The following NPC1 variants were observed in gnomAD, a reference collection of about 807,000 sequenced individuals.
NPC1 encodes NPC intracellular cholesterol transporter 1.
NPC1 carries 85 observed loss-of-function variants against 140.4 expected under a neutral mutation model. The observed-to-expected ratio is 0.61, with a 90% CI of 0.51 to 0.72. The LOEUF (loss-of-function observed/expected upper bound fraction) is 0.72, where lower values mean the gene tolerates loss of function less well. Ranked by LOEUF, NPC1 falls within the 30% of genes least tolerant of loss-of-function variation. The pLI is 0.00. For missense variants in NPC1, 1,504 were observed against 1,623.8 expected (o/e 0.93, Z 1.27); for synonymous variants, 656 against 624.8 (o/e 1.05, Z -0.74).
At chr18:23,586,106 C>A (rs900657717) in intron 1 of NPC1, among the ~76,000 whole-genome samples, 181 bp downstream of exon 1, 3 of 152,238 alleles carry the variant, frequency 2.0e-5, no homozygotes, top group Non-Finnish European at 4.4e-5. Flanking sequence ...CTCTTCCAGA[C>A]CACAGGAAAG....
At chr18:23,560,164 T>C in intron 6 of NPC1, 67 bp downstream of exon 6, 1 of 1,603,340 alleles carries the variant, frequency 6.2e-7, no homozygotes, top group South Asian at 1.1e-5. Context: ...CTCTGACAAA[T>C]GAAAGCTCAA....
At chr18:23,527,650 G>T, downstream of NPC1, 20 of 211,550 alleles carry the variant, frequency 9.5e-5, no homozygotes, top group South Asian at 1.4e-4. Context: ...ACATCTAGCT[G>T]TCAGGTCTTT....
intron 23 of NPC1, 129 bp downstream of exon 23, chr18:23,534,317 C>T: frequency 1.4e-6 from 1 of 726,100 alleles, no homozygotes; most frequent in Non-Finnish European, 2.5e-6. Flanking sequence ...GCAGCTAATT[C>T]ATGAATTGCC....
chr18:23,553,925 C>T (rs1323312547), intron 9 of NPC1, among the ~76,000 whole-genome samples: 1 of 152,184 alleles, frequency 6.6e-6, no homozygotes, highest in Non-Finnish European at 1.5e-5. Context: ...TCCCAAATAG[C>T]TGGGGCACTA....
At chr18:23,530,893 T>C (rs761285681), downstream of NPC1, among the ~76,000 whole-genome samples, 3 of 152,218 alleles carry the variant, frequency 2.0e-5, no homozygotes, top group Non-Finnish European at 4.4e-5. Flanking sequence ...GATCTTGGAA[T>C]ATCTCTTAAA....
intron 6 of NPC1, among the ~76,000 whole-genome samples, chr18:23,558,995 A>G (rs1054523663): frequency 6.6e-6 from 1 of 151,960 alleles, no homozygotes; most frequent in Non-Finnish European, 1.5e-5. Context: ...TCCTTGCGAT[A>G]TTTTGCTGAG....
chr18:23,560,401 T>C lies in NPC1; in HGVS notation c.711A>G (p.Pro237=), dbSNP rs1390882959. 1.2e-6 allele frequency: 2 copies of C among 1,614,106 alleles called. No homozygotes were observed. Residue 237 remains proline (P), a synonymous_variant, in exon 6 of 25, where the codon CCA becomes CCG. Transcript: ENST00000269228. ...CAATAGAGCAGTCTTGGCAGCTACA[T>C]GGTGCTGTGACCTCATCCACAGACT... is the stretch of plus-strand genomic sequence containing the variant. ...CDESVDEVTA[P]CSCQDCSIVC...
intron 1 of NPC1, among the ~76,000 whole-genome samples, chr18:23,575,976 C>T (rs2059271655): frequency 6.6e-6 from 1 of 151,952 alleles, no homozygotes; most frequent in African/African-American, 2.4e-5. Context: ...GTAATCCCAG[C>T]ACTTTGGGAG....
chr18:23,547,528 G>A (rs558009013), intron 11 of NPC1, among the ~76,000 whole-genome samples: 1 of 152,114 alleles, frequency 6.6e-6, no homozygotes, highest in Non-Finnish European at 1.5e-5. Context: ...ATCACCTGAG[G>A]TTAGTAGGTC....
At chr18:23,559,418 G>A (rs1351372498) in intron 6 of NPC1, among the ~76,000 whole-genome samples, 1 of 148,620 alleles carries the variant, frequency 6.7e-6, no homozygotes, top group Non-Finnish European at 1.5e-5. Context: ...CCTAAATTAA[G>A]ATGCAAATAT....
In NPC1 at chr18:23,535,891, G is replaced by A. The variant is rs558207901; in HGVS notation, c.3246-191C>T. 1.6e-4 allele frequency among the ~76,000 whole-genome samples: 24 copies of A among 152,224 alleles called. No homozygotes were observed. In the South Asian group the frequency reaches 2.9e-3, roughly 18 times the overall value. On this transcript the variant is annotated intron_variant, in intron 21 of 24. Transcript: ENST00000269228. Reference sequence around the variant, plus strand: ...TCATGGCCACTGACCACCCAGAGAAGGGCCCAGCAGTGATGCAAAATGTAT... The same window carrying A: ...TCATGGCCACTGACCACCCAGAGAAAGGCCCAGCAGTGATGCAAAATGTAT...
chr18:23,564,397 C>T (rs990796595), intron 4 of NPC1, among the ~76,000 whole-genome samples: 9 of 151,962 alleles, frequency 5.9e-5, no homozygotes, highest in Non-Finnish European at 8.8e-5. Flanking sequence ...GGCTGGAGTG[C>T]GAGGTACTTA....
In NPC1 at chr18:23,533,363, CTGAG is replaced by C. The variant is rs774943545; in HGVS notation, c.3742_3745del (p.Leu1248ValfsTer3). On this transcript the variant is annotated frameshift_variant, in exon 24 of 25. Transcript: ENST00000269228. LOFTEE classifies it high-confidence loss of function. ...AAGATGAGAACTCTTACCTATGTAA[CTGAG>C]TAAGACAGGGAGAAATATTAATCCG... 1.7e-5 allele frequency: 28 copies of C among 1,613,708 alleles called. No homozygotes were observed. The highest frequency in any genetic ancestry group is 1.1e-5 in the South Asian group (1 of 91,078).
intron 3 of NPC1, among the ~76,000 whole-genome samples, chr18:23,569,363 G>A (rs752146730): frequency 3.9e-5 from 6 of 152,102 alleles, no homozygotes; most frequent in African/African-American, 7.2e-5. Context: ...TCACTTTGTC[G>A]CCCAGGCTGA....
chr18:23,538,572 G>A lies in NPC1; in HGVS notation c.3011C>T (p.Ser1004Leu), dbSNP rs150334966. 7.3e-4 allele frequency: 1,175 copies of A among 1,614,152 alleles called. 2 individuals carry two copies. Among genetic ancestry groups the A allele is most frequent in the East Asian group, 4.0e-3 (181 of 44,884 alleles). Residue 1004 changes from serine (S) to leucine (L), a missense_variant, in exon 20 of 25, where the codon TCG (serine) becomes TTG (leucine). Transcript: ENST00000269228. ...DFMRFLPMFL[S>L]DNPNPKCGKG... ...GCCACACTTGGGGTTAGGGTTATCCGAAAGGAACATGGGCAGGAATCTCAT... is the reference window on the plus strand; with the variant it reads ...GCCACACTTGGGGTTAGGGTTATCCAAAAGGAACATGGGCAGGAATCTCAT...
In NPC1 at chr18:23,556,419, G is replaced by T. The variant is rs1431751792; in HGVS notation, c.1150C>A (p.Pro384Thr). ...TTTTCCAGGCGAGCCTGGCTGCTGG[G>T]GGCTGACCAGAGGTCAACTGGATTG... ...TTNPVDLWSA[P>T]SSQARLEKEY... The change falls in exon 8 of 25, where the codon CCC becomes ACC. Residue 384 changes from proline (P) to threonine (T), a missense_variant. Coordinates refer to ENST00000269228, the MANE Select transcript of NPC1 (RefSeq NM_000271.5). The T allele has an allele frequency of 6.2e-7, 1 of 1,614,160 alleles. No homozygotes were observed. The highest frequency in any genetic ancestry group is 8.5e-7 in the Non-Finnish European group (1 of 1,180,034).
chr18:23,565,970 C>T (rs2059118065), intron 4 of NPC1, among the ~76,000 whole-genome samples: 1 of 152,084 alleles, frequency 6.6e-6, no homozygotes, highest in South Asian at 2.1e-4. Flanking sequence ...TCGTATCTTC[C>T]AGCTCACCAT....
intron 3 of NPC1, among the ~76,000 whole-genome samples, chr18:23,570,186 T>C (rs2059180868): frequency 1.3e-5 from 2 of 152,228 alleles, no homozygotes; most frequent in African/African-American, 4.8e-5. Context: ...TTCAAACCTT[T>C]TCCATGTTAC....
intron 3 of NPC1, among the ~76,000 whole-genome samples, chr18:23,510,878 G>C (rs71202128): frequency 2.0e-5 from 3 of 152,228 alleles, no homozygotes; most frequent in Non-Finnish European, 4.4e-5. Context: ...CTATTGCTGG[G>C]AGTGTAAATT....
Sources: gnomAD v4.1 joint callset for allele counts (sites outside exome capture counted in the v4.1 genomes callset) on GRCh38, gnomAD v4.1.1 for gene constraint, MANE v1.5 for transcripts, NCBI Gene and HGNC (gene_info 2026-07-23, HGNC 2026-07-21) for gene names.